HCN1: variants seen among roughly 807,000 people sequenced by gnomAD.
The protein encoded by HCN1 is hyperpolarization activated cyclic nucleotide gated potassium channel 1, also known as potassium/sodium hyperpolarization-activated cyclic nucleotide-gated channel 1.
HCN1 carries 13 observed loss-of-function variants against 78.9 expected under a neutral mutation model. The ratio of observed to expected loss-of-function variants is 0.16; its 90% CI spans 0.11 to 0.26. The LOEUF (loss-of-function observed/expected upper bound fraction) is 0.26, where lower values mean the gene tolerates loss of function less well. Ranked by LOEUF, HCN1 falls within the 10% of genes least tolerant of loss-of-function variation. The pLI, the probability that HCN1 is intolerant of heterozygous loss-of-function variation, is 1.00. For synonymous variants in HCN1, 552 were observed against 455.5 expected, an observed-to-expected ratio of 1.21 and a Z score of -2.70; for missense variants, 810 against 1,154.3, an observed-to-expected ratio of 0.70 and a Z score of 4.32.
intron 6 of HCN1, among the ~76,000 whole-genome samples, chr5:45,285,592 T>C (rs999239699): frequency 2.6e-5 from 4 of 151,994 alleles, no homozygotes; most frequent in Non-Finnish European, 4.4e-5. Flanking sequence ...TTTGGCATCT[T>C]ATTCATTTTC....
intron 1 of HCN1, among the ~76,000 whole-genome samples, chr5:45,683,864 T>A (rs1357715900): frequency 6.6e-6 from 1 of 151,864 alleles, no homozygotes; most frequent in Non-Finnish European, 1.5e-5. Flanking sequence ...AGAGACGGGG[T>A]CTCGCCATGT....
chr5:45,625,337 T>C (rs923997509), intron 2 of HCN1, among the ~76,000 whole-genome samples: 1 of 151,704 alleles, frequency 6.6e-6, no homozygotes, highest in Non-Finnish European at 1.5e-5. Context: ...CAAAAAAAAC[T>C]ATTAATCTTC....
chr5:45,643,476 A>C (rs1324986951), intron 2 of HCN1: 1 of 152,140 alleles, frequency 6.6e-6, no homozygotes, highest in African/African-American at 2.4e-5. Flanking sequence ...ACTTAAGAAA[A>C]GTTCCCTATA....
chr5:45,318,742 C>G (rs1218701242), intron 5 of HCN1, among the ~76,000 whole-genome samples: 1 of 151,634 alleles, frequency 6.6e-6, no homozygotes, highest in Non-Finnish European at 1.5e-5. Flanking sequence ...TTGAAGTGGA[C>G]AAATCCTAAG....
intron 2 of HCN1, among the ~76,000 whole-genome samples, chr5:45,621,462 A>G (rs1745060806): frequency 6.6e-6 from 1 of 152,140 alleles, no homozygotes; most frequent in African/African-American, 2.4e-5. Context: ...TCATGTTATC[A>G]CACTGAATTA....
At chr5:45,569,934 A>G (rs937633049) in intron 2 of HCN1, among the ~76,000 whole-genome samples, 1 of 152,004 alleles carries the variant, frequency 6.6e-6, no homozygotes, top group African/African-American at 2.4e-5. Flanking sequence ...AATGACTTAG[A>G]TATTTAACTT....
chr5:45,413,668 T>A (rs762221932), intron 3 of HCN1, among the ~76,000 whole-genome samples: 28 of 152,042 alleles, frequency 1.8e-4, no homozygotes, highest in Non-Finnish European at 1.2e-4. Context: ...GTATTTTAAA[T>A]GGCAATAAAT....
chr5:45,454,664 T>C (rs535046462), intron 3 of HCN1, among the ~76,000 whole-genome samples: 1 of 152,160 alleles, frequency 6.6e-6, no homozygotes, highest in East Asian at 1.9e-4. Context: ...TTTTAGCTCA[T>C]TTCTTCGTAA....
chr5:45,501,683 G>A (rs993286286), intron 2 of HCN1, among the ~76,000 whole-genome samples: 13 of 152,004 alleles, frequency 8.6e-5, no homozygotes, highest in African/African-American at 2.9e-4. Context: ...CGGGAGATCC[G>A]CACGCCTCGG....
intron 2 of HCN1, among the ~76,000 whole-genome samples, chr5:45,514,743 C>T (rs538163153): frequency 6.6e-6 from 1 of 152,088 alleles, no homozygotes; most frequent in East Asian, 1.9e-4. Flanking sequence ...GAACAGAATA[C>T]ACATTTGGCA....
intron 2 of HCN1, among the ~76,000 whole-genome samples, chr5:45,597,913 G>C (rs1167017067): frequency 6.6e-6 from 1 of 152,094 alleles, no homozygotes; most frequent in Admixed American, 6.6e-5. Flanking sequence ...CAAAATAAAA[G>C]AGGACACAAA....
At chr5:45,448,997 C>G (rs1487323476) in intron 3 of HCN1, among the ~76,000 whole-genome samples, 1 of 152,030 alleles carries the variant, frequency 6.6e-6, no homozygotes, top group Non-Finnish European at 1.5e-5. Context: ...GCCTGTAGTC[C>G]CAGTTACTCG....
intron 2 of HCN1, among the ~76,000 whole-genome samples, chr5:45,636,335 T>A (rs1745356269): frequency 6.6e-6 from 1 of 152,198 alleles, no homozygotes. Context: ...CCAACTTTCA[T>A]AAACCAATAG....
intron 2 of HCN1, 123 bp downstream of exon 2, chr5:45,645,062 C>T (rs1315510671): frequency 1.1e-5 from 8 of 699,170 alleles, no homozygotes; most frequent in South Asian, 3.7e-5. Flanking sequence ...AAAGAGTCGT[C>T]GAATACATTT....
Position 45,447,823 on chromosome 5 carries a change from C to A in HCN1, c.1011+14023G>T, listed in dbSNP as rs553302592. Among the ~76,000 whole-genome samples the A allele has an allele frequency of 3.3e-5, 5 of 151,912 alleles. No homozygotes were observed. In the South Asian group the frequency reaches 1.0e-3, roughly 32 times the overall value. ...AAGGGGGAGGTGTTTGGTATATGTC[C>A]TTAGCAAGGTTTGCAACAAGATTTT... On this transcript the variant is annotated intron_variant, in intron 3 of 7. Transcript: ENST00000303230.
intron 2 of HCN1, among the ~76,000 whole-genome samples, chr5:45,478,950 G>A (rs950022840): frequency 9.2e-5 from 14 of 151,812 alleles, no homozygotes; most frequent in African/African-American, 2.9e-4. Flanking sequence ...GGTTAAACCC[G>A]TGTCTCCTAA....
At chr5:45,583,289 C>T (rs1744127426) in intron 2 of HCN1, among the ~76,000 whole-genome samples, 1 of 152,126 alleles carries the variant, frequency 6.6e-6, no homozygotes, top group African/African-American at 2.4e-5. Flanking sequence ...TCCATTTCTT[C>T]TAGATTTTCT....
chr5:45,467,604 A>T (rs1030936347), intron 2 of HCN1, among the ~76,000 whole-genome samples: 1 of 152,082 alleles, frequency 6.6e-6, no homozygotes, highest in African/African-American at 2.4e-5. Flanking sequence ...AATTTTTTTT[A>T]AAGGATAGCA....
intron 4 of HCN1, among the ~76,000 whole-genome samples, chr5:45,375,825 A>C (rs1267818486): frequency 8.3e-6 from 1 of 119,988 alleles, no homozygotes; most frequent in Non-Finnish European, 1.6e-5. Context: ...ATAATATTTT[A>C]TGATATATCT....
Sources: allele counts gnomAD v4.1 joint callset (sites outside exome capture counted in the v4.1 genomes callset), GRCh38; gene constraint gnomAD v4.1.1; transcripts MANE v1.5; gene names NCBI Gene and HGNC (gene_info 2026-07-23, HGNC 2026-07-21).